STX8: variants seen among roughly 807,000 people sequenced by gnomAD.
STX8 encodes the protein syntaxin-8.
STX8 carries 23 observed loss-of-function variants against 37.5 expected under a neutral mutation model. The ratio of observed to expected loss-of-function variants is 0.61; its 90% CI spans 0.44 to 0.87. The LOEUF is 0.87. Among genes scored for constraint, STX8 ranks in the 40% least tolerant of loss-of-function variants. The probability of loss-of-function intolerance (pLI) is 0.00; values close to 1 mark genes in which losing one functional copy is unlikely to be tolerated. For synonymous variants in STX8, 115 were observed against 99.1 expected, an observed-to-expected ratio of 1.16 and a Z score of -0.95; for missense variants, 313 against 284.7, an observed-to-expected ratio of 1.10 and a Z score of -0.71.
At chr17:9,284,431 A>G (rs1908003269) in intron 7 of STX8, among the ~76,000 whole-genome samples, 3 of 152,188 alleles carry the variant, frequency 2.0e-5, no homozygotes, top group Admixed American at 6.5e-5. Context: ...AAAATAAAAT[A>G]TTTTCTTCTC....
At chr17:9,324,765 C>CAAAAAAAAAAA (rs534392223) in intron 7 of STX8, among the ~76,000 whole-genome samples, 1 of 45,944 alleles carries the variant, frequency 2.2e-5, no homozygotes, top group African/African-American at 7.4e-5. Context: ...AACTCCATCT[C>CAAAAAAAAAAA]AAAAAAAAAA....
At chr17:9,510,874 GA>G (rs1298690631) in intron 4 of STX8, among the ~76,000 whole-genome samples, 1 of 151,470 alleles carries the variant, frequency 6.6e-6, no homozygotes, top group Non-Finnish European at 1.5e-5. Context: ...GCTAGACTAA[GA>G]AAAAAAGAGA....
chr17:9,494,039 G>A (rs549194559), intron 5 of STX8, among the ~76,000 whole-genome samples: 95 of 150,398 alleles, frequency 6.3e-4, no homozygotes, highest in African/African-American at 2.2e-3. Flanking sequence ...TTTTTGAGAT[G>A]GAGTCTCACT....
At chr17:9,384,393 C>T (rs1911918228) in intron 6 of STX8, among the ~76,000 whole-genome samples, 1 of 152,166 alleles carries the variant, frequency 6.6e-6, no homozygotes, top group Admixed American at 6.5e-5. Flanking sequence ...AATCCCAGCA[C>T]TTTGGGAGGC....
intron 6 of STX8, among the ~76,000 whole-genome samples, chr17:9,459,188 T>C (rs1430411043): frequency 4.6e-5 from 7 of 152,142 alleles, no homozygotes; most frequent in Admixed American, 2.0e-4. Context: ...TAACAAGACA[T>C]AGAGTTGTTA....
At chr17:9,394,234 C>T (rs977202918) in intron 6 of STX8, among the ~76,000 whole-genome samples, 15 of 152,146 alleles carry the variant, frequency 9.9e-5, no homozygotes, top group South Asian at 6.2e-4. Flanking sequence ...ATGCTAAGCG[C>T]GGCTTTGGAT....
At chr17:9,411,570 T>C (rs1352844219) in intron 6 of STX8, among the ~76,000 whole-genome samples, 1 of 152,246 alleles carries the variant, frequency 6.6e-6, no homozygotes, top group Non-Finnish European at 1.5e-5. Context: ...GCAGTTCAGC[T>C]GTTTCCAAAT....
At chr17:9,316,019 TAA>T (rs34817207) in intron 7 of STX8, among the ~76,000 whole-genome samples, 53 of 138,022 alleles carry the variant, frequency 3.8e-4, no homozygotes, top group African/African-American at 8.5e-4. Context: ...CATCTCCAAT[TAA>T]AAAAAAAAAA....
At chr17:9,250,727 CAG>C in intron 7 of STX8, 82 bp from the exon 8 acceptor site, 2 of 1,398,748 alleles carry the variant, frequency 1.4e-6, no homozygotes, top group East Asian at 5.1e-5. Flanking sequence ...TGCAGAGACT[CAG>C]AGGGATGTAG....
chr17:9,259,796 A>T (rs1906938793), intron 7 of STX8, among the ~76,000 whole-genome samples: 1 of 152,178 alleles, frequency 6.6e-6, no homozygotes, highest in Admixed American at 6.5e-5. Context: ...AACCACAAGG[A>T]GCACCCGACT....
intron 2 of STX8, among the ~76,000 whole-genome samples, chr17:9,558,822 C>G (rs1320396946): frequency 9.6e-6 from 1 of 104,462 alleles, no homozygotes; most frequent in African/African-American, 3.5e-5. Flanking sequence ...GACTCCGTCT[C>G]AAAAAAAAAA....
At chr17:9,353,364 A>G (rs1910772045) in intron 7 of STX8, among the ~76,000 whole-genome samples, 1 of 152,166 alleles carries the variant, frequency 6.6e-6, no homozygotes, top group African/African-American at 2.4e-5. Flanking sequence ...TTCTTTTGGG[A>G]GTGAATAGTA....
At chr17:9,497,271 G>T (rs900677482) in intron 5 of STX8, among the ~76,000 whole-genome samples, 6 of 152,152 alleles carry the variant, frequency 3.9e-5, no homozygotes, top group African/African-American at 1.4e-4. Context: ...CTACCTAAAA[G>T]AAAACATCAC....
intron 6 of STX8, among the ~76,000 whole-genome samples, chr17:9,401,529 C>A (rs1912618149): frequency 6.6e-6 from 1 of 152,156 alleles, no homozygotes; most frequent in African/African-American, 2.4e-5. Flanking sequence ...GTCCAAGTTA[C>A]CTCACTAATA....
At chr17:9,491,563 G>C (rs1202523782) in intron 6 of STX8, among the ~76,000 whole-genome samples, 2 of 152,122 alleles carry the variant, frequency 1.3e-5, no homozygotes, top group Admixed American at 1.3e-4. Context: ...TAGAAGAAAA[G>C]CTCTTGGGAT....
chr17:9,316,115 C>T (rs542455440), intron 7 of STX8, among the ~76,000 whole-genome samples: 2 of 152,058 alleles, frequency 1.3e-5, no homozygotes, highest in South Asian at 4.2e-4. Context: ...GTAGGACATG[C>T]TCAAAGGACA....
rs569378613 is a variant in STX8, at chr17:9,259,540, G to A, written c.644-8895C>T. On this transcript the variant is annotated intron_variant, in intron 7 of 7. Coordinates refer to ENST00000306357, the MANE Select transcript of STX8 (RefSeq NM_004853.3). The stretch of plus-strand genomic sequence containing the variant: ...AGGCCCGGCGGTGATGAGGGCGTCC[G>A]GGAAAGGTTGGAAGTTCAGGGTGGA... 3.0e-4 allele frequency among the ~76,000 whole-genome samples: 46 copies of A among 152,338 alleles called. No individual in the cohort carries two copies. The South Asian group carries it at 4.8e-3, about 16-fold the overall frequency.
chr17:9,323,705 G>A lies in STX8; in HGVS notation c.643+54847C>T, dbSNP rs537322268. Among the ~76,000 whole-genome samples the A allele has an allele frequency of 3.7e-4, 57 of 152,244 alleles. 2 individuals carry two copies. The South Asian group carries it at 0.012, about 31-fold the overall frequency. On this transcript the variant is annotated intron_variant, in intron 7 of 7. Coordinates refer to ENST00000306357, the MANE Select transcript of STX8 (RefSeq NM_004853.3). ...GAAGAGAGAAAGGAAGGGAGATTGC[G>A]TTACTCCAGAATGCTCTAGACAACA...
At chr17:9,376,022 T>C (rs932387445) in intron 7 of STX8, among the ~76,000 whole-genome samples, 1 of 152,120 alleles carries the variant, frequency 6.6e-6, no homozygotes, top group Non-Finnish European at 1.5e-5. Flanking sequence ...ACATAGTCCA[T>C]ACAACTGAAT....
Sources: gnomAD v4.1 joint callset for allele counts (sites outside exome capture counted in the v4.1 genomes callset) on GRCh38, gnomAD v4.1.1 for gene constraint, MANE v1.5 for transcripts, NCBI Gene and HGNC (gene_info 2026-07-23, HGNC 2026-07-21) for gene names.